The following SIPA1L1 variants were observed in gnomAD, a reference collection of about 807,000 sequenced individuals.
SIPA1L1 encodes signal induced proliferation associated 1 like 1.
Under a neutral mutation model 162.7 loss-of-function variants are expected in SIPA1L1, and 26 were observed. That is an observed-to-expected ratio of 0.16 (90% CI 0.12 to 0.22). SIPA1L1 has a LOEUF of 0.22. Among genes scored for constraint, SIPA1L1 ranks in the 10% least tolerant of loss-of-function variants. SIPA1L1 has a pLI of 1.00. For missense variants in SIPA1L1, 1,874 were observed against 2,241.0 expected, an observed-to-expected ratio of 0.84 and a Z score of 3.31; for synonymous variants, 829 against 837.4, an observed-to-expected ratio of 0.99 and a Z score of 0.17.
intron 4 of SIPA1L1, among the ~76,000 whole-genome samples, chr14:71,531,337 A>G (rs1172592089): frequency 1.4e-5 from 2 of 146,294 alleles, no homozygotes; most frequent in African/African-American, 5.1e-5. Context: ...GTTTGTCACT[A>G]TGTTACTTTG....
At chr14:71,325,164 A>G (rs1040555844) in intron 2 of SIPA1L1, among the ~76,000 whole-genome samples, 3 of 152,190 alleles carry the variant, frequency 2.0e-5, no homozygotes, top group South Asian at 2.1e-4. Context: ...GAGACTGACA[A>G]TCTGACCTTC....
intron 2 of SIPA1L1, among the ~76,000 whole-genome samples, chr14:71,471,401 G>A (rs545799078): frequency 2.0e-5 from 3 of 152,280 alleles, no homozygotes; most frequent in South Asian, 2.1e-4. Flanking sequence ...CCCAAGAGGC[G>A]GAGATTGCAG....
intron 5 of SIPA1L1, among the ~76,000 whole-genome samples, chr14:71,599,352 G>C (rs1448277995): frequency 7.9e-5 from 12 of 150,990 alleles, no homozygotes; most frequent in Admixed American, 5.9e-4. Flanking sequence ...GTTTCTCCAT[G>C]TTGATCAGGC....
At chr14:71,604,042 A>C (rs2148109048) in intron 5 of SIPA1L1, among the ~76,000 whole-genome samples, 1 of 146,100 alleles carries the variant, frequency 6.8e-6, no homozygotes, top group South Asian at 2.1e-4. Flanking sequence ...TCTCAACCAG[A>C]CTAGAGTGTA....
At chr14:71,605,788 G>T (rs536028050) in intron 5 of SIPA1L1, among the ~76,000 whole-genome samples, 1 of 152,264 alleles carries the variant, frequency 6.6e-6, no homozygotes, top group East Asian at 1.9e-4. Flanking sequence ...TGTGTGTCTG[G>T]GCCTCAGGGC....
At chr14:71,496,128 A>G (rs1008103951) in intron 2 of SIPA1L1, among the ~76,000 whole-genome samples, 8 of 150,826 alleles carry the variant, frequency 5.3e-5, no homozygotes, top group African/African-American at 1.7e-4. Flanking sequence ...GCTGCATCCC[A>G]TAAATTTTGA....
At chr14:71,712,078 T>C (rs1022231343) in intron 17 of SIPA1L1, among the ~76,000 whole-genome samples, 1 of 152,176 alleles carries the variant, frequency 6.6e-6, no homozygotes, top group Admixed American at 6.5e-5. Context: ...CACAGCAAAT[T>C]AGAGTGTTTG....
intron 5 of SIPA1L1, among the ~76,000 whole-genome samples, chr14:71,607,184 G>T (rs1183471188): frequency 6.6e-6 from 1 of 151,712 alleles, no homozygotes. Flanking sequence ...TGACAGGAAG[G>T]TGAGGGGCAG....
chr14:71,425,292 T>A (rs1191317585), intron 2 of SIPA1L1, among the ~76,000 whole-genome samples: 3 of 152,106 alleles, frequency 2.0e-5, no homozygotes, highest in Non-Finnish European at 4.4e-5. Flanking sequence ...TTGGGTTTAG[T>A]TTGTTCTTAA....
At chr14:71,505,716 A>G (rs2050608215) in intron 2 of SIPA1L1, among the ~76,000 whole-genome samples, 1 of 152,152 alleles carries the variant, frequency 6.6e-6, no homozygotes, top group Admixed American at 6.5e-5. Flanking sequence ...TTTAAAATTT[A>G]AAACTTTTTG....
rs139488508 is a variant in SIPA1L1, at chr14:71,337,134, T to C, written c.-465+15953T>C. ...CTACATCAAAGTCATACTTTCCTGC[T>C]TGCTTTTACGACATTCCTATTTGGT... is the stretch of plus-strand genomic sequence containing the variant. On this transcript the variant is annotated intron_variant, in intron 2 of 23. Coordinates refer to ENST00000381232, the MANE Select transcript of SIPA1L1 (RefSeq NM_001386936.1). 1.9e-4 allele frequency among the ~76,000 whole-genome samples: 29 copies of C among 152,344 alleles called. No homozygotes were observed. In the East Asian group the frequency reaches 5.4e-3, roughly 28 times the overall value.
intron 8 of SIPA1L1, among the ~76,000 whole-genome samples, chr14:71,655,106 A>C (rs552901143): frequency 6.6e-6 from 1 of 151,796 alleles, no homozygotes; most frequent in African/African-American, 2.4e-5. Context: ...GGGTTCTCCA[A>C]CCCTTCCTCT....
chr14:71,628,870 T>C (rs542264759), intron 7 of SIPA1L1, among the ~76,000 whole-genome samples: 13 of 152,228 alleles, frequency 8.5e-5, no homozygotes, highest in African/African-American at 2.4e-4. Context: ...AAGCACACAG[T>C]GCGTTCATGA....
At chr14:71,711,209 G>A (rs554201034) in intron 17 of SIPA1L1, among the ~76,000 whole-genome samples, 2 of 152,284 alleles carry the variant, frequency 1.3e-5, no homozygotes, top group South Asian at 2.1e-4. Context: ...TATGTATTCC[G>A]TTCCACAATT....
At chr14:71,577,816 C>G (rs940747793) in intron 4 of SIPA1L1, among the ~76,000 whole-genome samples, 4 of 151,386 alleles carry the variant, frequency 2.6e-5, no homozygotes, top group Non-Finnish European at 5.9e-5. Flanking sequence ...ATTCCAGCCC[C>G]AAACCTCTGA....
intron 2 of SIPA1L1, among the ~76,000 whole-genome samples, chr14:71,430,981 A>G (rs2043944153): frequency 6.6e-6 from 1 of 152,158 alleles, no homozygotes; most frequent in African/African-American, 2.4e-5. Flanking sequence ...ATATAGATAT[A>G]CATATACACT....
At chr14:71,727,111 C>CT (rs1182517072) in intron 19 of SIPA1L1, among the ~76,000 whole-genome samples, 5 of 152,056 alleles carry the variant, frequency 3.3e-5, no homozygotes, top group Admixed American at 6.6e-5. Context: ...CTACAGCACT[C>CT]TAAGAAACCT....
Position 71,587,765 on chromosome 14 carries a change from G to A in SIPA1L1, c.-108G>A. 3 of 977,100 alleles carry A rather than the reference G, an allele frequency of 3.1e-6. No homozygotes were observed. Among genetic ancestry groups the A allele is most frequent in the Non-Finnish European group, 4.6e-6 (3 of 656,268 alleles). The allele number at this position is 977,100 out of a possible 1,614,324, so 60.5% of individuals were successfully genotyped here. On this transcript the variant is annotated 5_prime_UTR_variant, in exon 5 of 24. It removes an upstream start codon present in the reference 5' UTR. Coordinates refer to ENST00000381232, the MANE Select transcript of SIPA1L1 (RefSeq NM_001386936.1). ...TAAATGAAAAAGATTAAGATCTCAT[G>A]CAACTGTTGTATTTTCTGGAAGCCA... is the stretch of plus-strand genomic sequence containing the variant.
intron 17 of SIPA1L1, among the ~76,000 whole-genome samples, chr14:71,713,047 A>G (rs1385343375): frequency 6.6e-6 from 1 of 152,216 alleles, no homozygotes; most frequent in African/African-American, 2.4e-5. Flanking sequence ...TACTCAATAC[A>G]TGCCAATGAG....
Sources: gnomAD v4.1 joint callset for allele counts (sites outside exome capture counted in the v4.1 genomes callset) on GRCh38, gnomAD v4.1.1 for gene constraint, MANE v1.5 for transcripts, NCBI Gene and HGNC (gene_info 2026-07-23, HGNC 2026-07-21) for gene names.